The following EHD4 variants were observed in gnomAD, a reference collection of about 807,000 sequenced individuals.
EHD4 encodes the protein EH domain-containing protein 4.
Under a neutral mutation model 51.0 loss-of-function variants are expected in EHD4, and 37 were observed. That is an observed-to-expected ratio of 0.73 (90% CI 0.56 to 0.95). EHD4 has a LOEUF of 0.95. Among genes scored for constraint, EHD4 ranks in the 40% least tolerant of loss-of-function variants. The probability of loss-of-function intolerance (pLI) is 0.00; values close to 1 mark genes in which losing one functional copy is unlikely to be tolerated. For synonymous variants in EHD4, 297 were observed against 317.3 expected, an observed-to-expected ratio of 0.94 and a Z score of 0.68; for missense variants, 632 against 733.1, an observed-to-expected ratio of 0.86 and a Z score of 1.59.
At chr15:41,931,027 T>G (rs1043872394) in intron 3 of EHD4, among the ~76,000 whole-genome samples, 3 of 152,180 alleles carry the variant, frequency 2.0e-5, no homozygotes, top group Non-Finnish European at 4.4e-5. Context: ...CCTTCTACAG[T>G]GGCATTTTTG....
At chr15:41,904,327 C>A (rs1262043798) in intron 5 of EHD4, among the ~76,000 whole-genome samples, 3 of 152,084 alleles carry the variant, frequency 2.0e-5, no homozygotes, top group African/African-American at 7.2e-5. Flanking sequence ...GGGAGGCAGG[C>A]AAGAAATAAA....
intron 2 of EHD4, 86 bp downstream of exon 2, chr15:41,953,677 GT>G: frequency 1.1e-5 from 15 of 1,405,230 alleles, no homozygotes; most frequent in Non-Finnish European, 1.3e-5. Context: ...TTGTTCTTCT[GT>G]TTTTGAACCT....
intron 2 of EHD4, among the ~76,000 whole-genome samples, chr15:41,950,349 G>A (rs1156908642): frequency 6.6e-6 from 1 of 152,226 alleles, no homozygotes; most frequent in Non-Finnish European, 1.5e-5. Flanking sequence ...TCCTTAAGGA[G>A]AAGGCCAGGT....
At chr15:41,960,670 ATTTTTTT>A (rs577281838) in intron 1 of EHD4, among the ~76,000 whole-genome samples, 1 of 127,918 alleles carries the variant, frequency 7.8e-6, no homozygotes, top group East Asian at 2.2e-4. Flanking sequence ...CTTCACTTAC[ATTTTTTT>A]TTTTTTTTTT....
intron 1 of EHD4, among the ~76,000 whole-genome samples, chr15:41,957,629 C>A (rs2067896151): frequency 6.6e-6 from 1 of 152,176 alleles, no homozygotes; most frequent in Admixed American, 6.5e-5. Flanking sequence ...TTTCTCCTGG[C>A]CCCAGACTTC....
intron 3 of EHD4, among the ~76,000 whole-genome samples, chr15:41,940,147 C>G (rs756243898): frequency 1.5e-4 from 23 of 152,154 alleles, no homozygotes; most frequent in Non-Finnish European, 2.8e-4. Flanking sequence ...AATCATCAAC[C>G]GCACAAAGGG....
chr15:41,902,053 A>G (rs572557593), intron 5 of EHD4, among the ~76,000 whole-genome samples: 1 of 152,332 alleles, frequency 6.6e-6, no homozygotes, highest in South Asian at 2.1e-4. Context: ...AGGTCAGGAC[A>G]TATCTTAGCT....
At chr15:41,924,854 C>T (rs1294425795) in intron 3 of EHD4, among the ~76,000 whole-genome samples, 5 of 152,038 alleles carry the variant, frequency 3.3e-5, no homozygotes, top group African/African-American at 9.6e-5. Flanking sequence ...GTCAGGAGTT[C>T]GAGACCAGCC....
At chr15:41,932,274 C>T (rs1208022974) in intron 3 of EHD4, among the ~76,000 whole-genome samples, 7 of 152,184 alleles carry the variant, frequency 4.6e-5, no homozygotes, top group African/African-American at 9.7e-5. Flanking sequence ...GGCAGTGGAG[C>T]GAATCCCGCC....
intron 2 of EHD4, among the ~76,000 whole-genome samples, chr15:41,944,359 A>T (rs2067797211): frequency 6.6e-6 from 1 of 152,182 alleles, no homozygotes; most frequent in African/African-American, 2.4e-5. Context: ...AAAGTGTAGA[A>T]TGCCTCTCCT....
chr15:41,969,371 A>G (rs2067981954), intron 1 of EHD4, among the ~76,000 whole-genome samples: 1 of 151,724 alleles, frequency 6.6e-6, no homozygotes, highest in South Asian at 2.1e-4. Context: ...ACATGGAAAA[A>G]CCCCATCTCT....
chr15:41,910,266 C>T (rs1488584621), intron 4 of EHD4, among the ~76,000 whole-genome samples: 1 of 152,178 alleles, frequency 6.6e-6, no homozygotes, highest in Admixed American at 6.5e-5. Flanking sequence ...ACATGGAAAT[C>T]TGTACCCAGT....
intron 5 of EHD4, among the ~76,000 whole-genome samples, chr15:41,903,329 T>TAAA (rs10622699): frequency 0.46 from 61,777 of 135,680 alleles, 14,805 homozygotes; most frequent in East Asian, 0.64. Context: ...TGCTTTCTTG[T>TAAA]AAAAAAAAAA....
intron 2 of EHD4, among the ~76,000 whole-genome samples, chr15:41,946,478 C>T (rs1462578199): frequency 6.6e-6 from 1 of 152,126 alleles, no homozygotes; most frequent in Non-Finnish European, 1.5e-5. Flanking sequence ...CCCTGTAATC[C>T]CAGCACTTTG....
rs765186481 is a variant in EHD4 at position 41,953,838 on chromosome 15, T to C, written c.339A>G (p.Pro113=). 2.5e-6 allele frequency: 4 copies of C among 1,613,928 alleles called. No individual in the cohort carries two copies. Among genetic ancestry groups the C allele is most frequent in the African/African-American group, 2.7e-5 (2 of 74,918 alleles). ...TGGGGTCCACGACTAAAGCATTCCC[T>C]GGGGTGCTGCCCTCAGTCTCTCCAT... ...VMYGETEGST[P]GNALVVDPKK... Residue 113 remains proline, a synonymous_variant, in exon 2 of 6, where the codon CCA becomes CCG. Coordinates refer to ENST00000220325, the MANE Select transcript of EHD4 (RefSeq NM_139265.4).
chr15:41,965,571 A>G (rs2067956295), intron 1 of EHD4, among the ~76,000 whole-genome samples: 1 of 152,320 alleles, frequency 6.6e-6, no homozygotes, highest in African/African-American at 2.4e-5. Context: ...GATGGTTTAG[A>G]AAAACAAAAA....
In EHD4 at chr15:41,900,945, C is replaced by A. The variant is rs1393183662; in HGVS notation, c.1326G>T (p.Trp442Cys). 6 of 1,613,470 alleles carry A rather than the reference C, an allele frequency of 3.7e-6. No homozygotes were observed. The highest frequency in any genetic ancestry group is 5.1e-6 in the Non-Finnish European group (6 of 1,179,610). ...AGACGGGCTTGTCTTTGGCCACGAC[C>A]CACTCCTCCTCGTCGGCGCCCTCCT... ...GAKEGADEEE[W>C]VVAKDKPVYD... The change falls in exon 6 of 6, where the codon TGG becomes TGT. Residue 442 changes from tryptophan (W) to cysteine (C), a missense_variant. Transcript: ENST00000220325. The surrounding 1 kb of genome is among the most constrained non-coding windows in gnomAD (Gnocchi z 4.8).
intron 2 of EHD4, among the ~76,000 whole-genome samples, chr15:41,950,995 C>A (rs1045114339): frequency 6.6e-6 from 1 of 150,910 alleles, no homozygotes; most frequent in African/African-American, 2.4e-5. Context: ...ACATTAGGAA[C>A]AGCCTTACTA....
chr15:41,971,208 C>G (rs1446962598), intron 1 of EHD4, among the ~76,000 whole-genome samples: 1 of 152,194 alleles, frequency 6.6e-6, no homozygotes, highest in Non-Finnish European at 1.5e-5. Context: ...CGCTACTTAA[C>G]AGAAATGGCA....
Sources: allele counts gnomAD v4.1 joint callset (sites outside exome capture counted in the v4.1 genomes callset), GRCh38; gene constraint gnomAD v4.1.1; non-coding constraint Gnocchi (gnomAD v3.1); transcripts MANE v1.5; gene names NCBI Gene and HGNC (gene_info 2026-07-23, HGNC 2026-07-21).